Variants in DST observed in about 807,000 individuals in gnomAD.
DST encodes dystonin, also known as bullous pemphigoid antigen.
In DST, 253 loss-of-function variants were observed where a neutral mutation model predicts 875.2. The ratio of observed to expected loss-of-function variants is 0.29; its 90% CI spans 0.26 to 0.32. The LOEUF (loss-of-function observed/expected upper bound fraction) is 0.32, where lower values mean the gene tolerates loss of function less well. DST is among the 10% of genes least tolerant of loss of function. DST has a pLI of 1.00. For synonymous variants in DST, 3,124 were observed against 3,197.1 expected (o/e 0.98, Z 0.77); for missense variants, 8,287 against 9,111.6 (o/e 0.91, Z 3.68).
chr6:56,487,304 T>C (rs1213814686), intron 86 of DST, 31 bp from the exon 87 acceptor site: 1 of 1,520,546 alleles, frequency 6.6e-7, no homozygotes, highest in Admixed American at 2.1e-5. Context: ...AAATGCGAAT[T>C]TCTTCTTGGG....
At chr6:56,720,525 G>A (rs2099410998) in intron 5 of DST, among the ~76,000 whole-genome samples, 1 of 151,992 alleles carries the variant, frequency 6.6e-6, no homozygotes, top group African/African-American at 2.4e-5. Context: ...TTGTGTCCCT[G>A]GGTACTTGAG....
intron 4 of DST, among the ~76,000 whole-genome samples, chr6:56,772,496 C>G (rs1438413455): frequency 6.6e-6 from 1 of 152,146 alleles, no homozygotes; most frequent in Admixed American, 6.5e-5. Flanking sequence ...TGATTCCGAT[C>G]AAGTCATTAT....
At chr6:56,784,947 C>G (rs1193884486) in intron 4 of DST, among the ~76,000 whole-genome samples, 1 of 152,208 alleles carries the variant, frequency 6.6e-6, no homozygotes, top group Non-Finnish European at 1.5e-5. Flanking sequence ...TTCTAACAGA[C>G]AGGACCCTCA....
chr6:56,860,921 CAGA>C (rs1314901691), intron 3 of DST, among the ~76,000 whole-genome samples: 2 of 151,944 alleles, frequency 1.3e-5, no homozygotes, highest in Non-Finnish European at 2.9e-5. Flanking sequence ...TTCTGTAATT[CAGA>C]AGGTTTTTTT....
At chr6:56,549,899 T>A (rs59287473) in intron 61 of DST, among the ~76,000 whole-genome samples, 134 of 152,308 alleles carry the variant, frequency 8.8e-4, no homozygotes, top group African/African-American at 3.1e-3. Flanking sequence ...ATCATTTTCA[T>A]CAAAAGAATC....
At position 56,605,885 on chromosome 6, in the gene DST, T is replaced by C. The variant is rs1354921138; in HGVS notation, c.8743A>G (p.Met2915Val). 6.2e-7 allele frequency: 1 copy of C among 1,612,750 alleles called. No individual in the cohort carries two copies. The highest frequency in any genetic ancestry group is 8.5e-7 in the Non-Finnish European group (1 of 1,179,336). ...KSKENLLNHE[M>V]VLKDVLPPII... is the part of the protein sequence containing the mutation. ...GGCGGCAATACATCCTTAAGTACCA[T>C]CTCATGGTTCAACAGATTTTCTTTG... Residue 2915 changes from methionine to valine, a missense_variant, in exon 40 of 104, where the codon ATG (methionine) becomes GTG (valine). Coordinates refer to ENST00000680361, the MANE Select transcript of DST (RefSeq NM_001374736.1).
intron 69 of DST, among the ~76,000 whole-genome samples, chr6:56,518,725 A>G (rs1277144459): frequency 6.6e-6 from 1 of 152,168 alleles, no homozygotes; most frequent in Non-Finnish European, 1.5e-5. Flanking sequence ...CTGTGACACC[A>G]CAGTACCAAC....
intron 9 of DST, among the ~76,000 whole-genome samples, chr6:56,681,935 C>A (rs544923221): frequency 6.6e-6 from 1 of 152,262 alleles, no homozygotes; most frequent in African/African-American, 2.4e-5. Flanking sequence ...TGTCACTAAG[C>A]CAAATGGGTT....
intron 47 of DST, among the ~76,000 whole-genome samples, chr6:56,596,346 G>A (rs903461098): frequency 3.3e-5 from 5 of 152,134 alleles, no homozygotes; most frequent in African/African-American, 4.8e-5. Context: ...ATTTTCTAAA[G>A]CACAGATTCC....
intron 4 of DST, among the ~76,000 whole-genome samples, chr6:56,807,929 T>C (rs1371379845): frequency 6.6e-6 from 1 of 152,216 alleles, no homozygotes; most frequent in Non-Finnish European, 1.5e-5. Flanking sequence ...TAATTCCTAT[T>C]ACTTCCAATT....
intron 2 of DST, among the ~76,000 whole-genome samples, chr6:56,941,843 CTT>C (rs920413650): frequency 4.6e-5 from 7 of 152,292 alleles, no homozygotes; most frequent in African/African-American, 1.7e-4. Flanking sequence ...TTGTTTAGCT[CTT>C]TACCTACGTT....
chr6:56,740,534 T>A (rs4640889), intron 4 of DST, among the ~76,000 whole-genome samples: 37,675 of 152,104 alleles, frequency 0.25, 6,360 homozygotes, highest in African/African-American at 0.48. Context: ...CTAAAAAGAA[T>A]CTCTGACTTA....
At chr6:56,893,598 A>AT (rs1789014878) in intron 3 of DST, among the ~76,000 whole-genome samples, 2 of 72,038 alleles carry the variant, frequency 2.8e-5, no homozygotes, top group Non-Finnish European at 5.0e-5. Flanking sequence ...ATTTTTTTTT[A>AT]TTTTTTATTT....
chr6:56,470,781 AACACACAC>A (rs67009040), intron 95 of DST, among the ~76,000 whole-genome samples: 2,634 of 141,486 alleles, frequency 0.019, 44 homozygotes, highest in African/African-American at 0.047. Context: ...TATGCCAGGC[AACACACAC>A]ACACACACAC....
intron 55 of DST, among the ~76,000 whole-genome samples, chr6:56,563,287 T>C (rs145001432): frequency 0.011 from 1,672 of 152,328 alleles, 30 homozygotes; most frequent in African/African-American, 0.038. Context: ...TTCTAACTAG[T>C]GTGAGATGGT....
chr6:56,692,148 TCCA>T (rs1225283416), intron 9 of DST, among the ~76,000 whole-genome samples: 14 of 152,312 alleles, frequency 9.2e-5, no homozygotes, highest in Non-Finnish European at 1.8e-4. Context: ...TTTAAAGTCT[TCCA>T]CCAATAATGA....
At chr6:56,710,880 G>A (rs796749973) in intron 5 of DST, among the ~76,000 whole-genome samples, 4 of 152,228 alleles carry the variant, frequency 2.6e-5, no homozygotes, top group African/African-American at 9.6e-5. Flanking sequence ...AGGCGGTTAT[G>A]GTTTTTTAAG....
Position 56,501,175 on chromosome 6 carries a change from G to T in DST, c.19801C>A (p.Leu6601Met). Residue 6601 changes from leucine to methionine, a missense_variant, in exon 80 of 104, where the codon CTG (leucine) becomes ATG (methionine). By Grantham distance (15) the Leu-to-Met change is conservative. Coordinates refer to ENST00000680361, the MANE Select transcript of DST (RefSeq NM_001374736.1). ...GQFQHALDEL[L>M]AWLTHTEGLL... ...CCCTCGGTGTGTGTCAGCCATGCCA[G>T]GAGCTCATCCAGGGCATGTTGGAAC... 6.2e-7 allele frequency: 1 copy of T among 1,612,336 alleles called. No individual in the cohort carries two copies. Among genetic ancestry groups the T allele is most frequent in the Non-Finnish European group, 8.5e-7 (1 of 1,179,050 alleles).
chr6:56,886,117 T>A (rs983594422), intron 3 of DST, among the ~76,000 whole-genome samples: 2 of 152,192 alleles, frequency 1.3e-5, no homozygotes, highest in African/African-American at 4.8e-5. Flanking sequence ...CTCAAAGATG[T>A]AAAGCTACTC....
Sources: gnomAD v4.1 joint callset for allele counts (sites outside exome capture counted in the v4.1 genomes callset) on GRCh38, gnomAD v4.1.1 for gene constraint, MANE v1.5 for transcripts, NCBI Gene and HGNC (gene_info 2026-07-23, HGNC 2026-07-21) for gene names.